CSMD1: variants seen among roughly 807,000 people sequenced by gnomAD.
The protein encoded by CSMD1 is CUB and sushi domain-containing protein 1.
A neutral mutation model predicts 417.5 loss-of-function variants in CSMD1; 213 were observed. The observed-to-expected ratio is 0.51, with a 90% confidence interval of 0.46 to 0.57. The LOEUF is 0.57. CSMD1 is among the 20% of genes least tolerant of loss of function. CSMD1 has a pLI of 0.00. For missense variants in CSMD1, 6,923 were observed against 4,529.7 expected (o/e 1.53, Z -15.17); for synonymous variants, 2,862 against 1,736.8 (o/e 1.65, Z -16.11).
intron 3 of CSMD1, among the ~76,000 whole-genome samples, chr8:4,306,543 TCTTC>T (rs1248821048): frequency 4.6e-5 from 7 of 152,188 alleles, no homozygotes; most frequent in African/African-American, 1.4e-4. Flanking sequence ...GACAAAATTT[TCTTC>T]CTTATGCAAA....
intron 3 of CSMD1, among the ~76,000 whole-genome samples, chr8:4,112,948 T>A (rs912044148): frequency 3.3e-5 from 5 of 152,214 alleles, no homozygotes. Flanking sequence ...TCCTTTTGCG[T>A]TACATTTTGG....
chr8:4,943,363 G>C (rs1435908043), intron 1 of CSMD1, among the ~76,000 whole-genome samples: 1 of 151,996 alleles, frequency 6.6e-6, no homozygotes, highest in Non-Finnish European at 1.5e-5. Context: ...GGGCGTGGTG[G>C]TGGACGCCTG....
At chr8:3,711,409 GAGAC>G (rs1191425941) in intron 6 of CSMD1, among the ~76,000 whole-genome samples, 2 of 152,148 alleles carry the variant, frequency 1.3e-5, no homozygotes, top group Non-Finnish European at 2.9e-5. Flanking sequence ...AGAAAGCCCA[GAGAC>G]AGACAGTCAC....
intron 6 of CSMD1, among the ~76,000 whole-genome samples, chr8:3,717,792 T>A (rs952217974): frequency 1.3e-5 from 2 of 152,212 alleles, no homozygotes; most frequent in African/African-American, 4.8e-5. Context: ...TTTAATAGAT[T>A]ATTCATAATG....
At chr8:4,235,848 C>T (rs533488203) in intron 3 of CSMD1, among the ~76,000 whole-genome samples, 3 of 152,236 alleles carry the variant, frequency 2.0e-5, no homozygotes, top group South Asian at 2.1e-4. Flanking sequence ...GACATCCTGC[C>T]ATCCTTTGAT....
intron 3 of CSMD1, among the ~76,000 whole-genome samples, chr8:4,080,601 T>C (rs930261253): frequency 4.6e-5 from 7 of 152,224 alleles, no homozygotes; most frequent in Admixed American, 2.0e-4. Context: ...ATAGTTTTTA[T>C]ATTCCTTTCT....
chr8:4,970,258 C>G (rs1254646291), intron 1 of CSMD1, among the ~76,000 whole-genome samples: 2 of 152,086 alleles, frequency 1.3e-5, no homozygotes, highest in Non-Finnish European at 2.9e-5. Context: ...AGTTGTGAGT[C>G]TCTTTGATCT....
chr8:3,547,553 C>T (rs940257861), intron 10 of CSMD1, among the ~76,000 whole-genome samples: 1 of 152,144 alleles, frequency 6.6e-6, no homozygotes, highest in Non-Finnish European at 1.5e-5. Flanking sequence ...AAGTCTCATA[C>T]AAAATTGAGT....
intron 37 of CSMD1, among the ~76,000 whole-genome samples, chr8:3,165,792 T>G (rs909549125): frequency 6.6e-6 from 1 of 152,060 alleles, no homozygotes; most frequent in South Asian, 2.1e-4. Flanking sequence ...ATGGGGATGT[T>G]AAAATAGGGC....
chr8:3,932,537 C>G (rs573190680), intron 5 of CSMD1, among the ~76,000 whole-genome samples: 1 of 148,344 alleles, frequency 6.7e-6, no homozygotes, highest in African/African-American at 2.5e-5. Context: ...ATCAATCAAG[C>G]CCCACAATTA....
chr8:4,436,674 T>C (rs1180678326), intron 2 of CSMD1, among the ~76,000 whole-genome samples: 2 of 152,178 alleles, frequency 1.3e-5, no homozygotes, highest in African/African-American at 4.8e-5. Context: ...CCTTCACTCC[T>C]ACTACCCTAC....
chr8:4,206,302 G>C (rs949926904), intron 3 of CSMD1, among the ~76,000 whole-genome samples: 5 of 152,068 alleles, frequency 3.3e-5, no homozygotes, highest in East Asian at 3.9e-4. Context: ...CCATTAACTT[G>C]TCATTTACAT....
intron 5 of CSMD1, among the ~76,000 whole-genome samples, chr8:3,894,785 G>C (rs1230379215): frequency 6.6e-6 from 1 of 152,162 alleles, no homozygotes; most frequent in African/African-American, 2.4e-5. Context: ...GAAGTGCATA[G>C]GGCTGTTAAA....
chr8:3,098,940 A>T (rs557039474), intron 46 of CSMD1, among the ~76,000 whole-genome samples: 5 of 151,560 alleles, frequency 3.3e-5, no homozygotes, highest in Admixed American at 2.0e-4. Flanking sequence ...TGTTGTAAGG[A>T]CTAGGGATGA....
At chr8:3,975,725 G>A (rs571120958) in intron 5 of CSMD1, among the ~76,000 whole-genome samples, 1 of 152,124 alleles carries the variant, frequency 6.6e-6, no homozygotes, top group African/African-American at 2.4e-5. Flanking sequence ...TTCATTACAT[G>A]CAAACTTTAA....
At chr8:2,945,727 C>G (rs1337006365) in intron 68 of CSMD1, among the ~76,000 whole-genome samples, 2 of 152,116 alleles carry the variant, frequency 1.3e-5, no homozygotes, top group Non-Finnish European at 2.9e-5. Context: ...TTTCCCCTGT[C>G]CCTCCTCCTC....
intron 10 of CSMD1, among the ~76,000 whole-genome samples, chr8:3,510,036 C>A (rs565626412): frequency 6.6e-6 from 1 of 152,282 alleles, no homozygotes; most frequent in Admixed American, 6.5e-5. Flanking sequence ...CCACTTCTCC[C>A]CTCTACATCA....
intron 3 of CSMD1, among the ~76,000 whole-genome samples, chr8:4,095,736 G>A (rs1278328264): frequency 2.0e-5 from 3 of 152,134 alleles, no homozygotes; most frequent in East Asian, 1.9e-4. Context: ...TTCAAGTCAC[G>A]TAGTTTTATT....
chr8:3,262,280 T>C (rs561089383), intron 26 of CSMD1, among the ~76,000 whole-genome samples: 2 of 138,058 alleles, frequency 1.4e-5, no homozygotes, highest in African/African-American at 5.5e-5. Context: ...ACATTGCCAA[T>C]AAGCGTCACA....
Sources: gnomAD v4.1 joint callset for allele counts (sites outside exome capture counted in the v4.1 genomes callset) on GRCh38, gnomAD v4.1.1 for gene constraint, MANE v1.5 for transcripts, NCBI Gene and HGNC (gene_info 2026-07-23, HGNC 2026-07-21) for gene names.